Variants in MACROH2A2 observed in about 807,000 individuals in gnomAD.
MACROH2A2 encodes the protein core histone macro-H2A.2.
In MACROH2A2, 6 loss-of-function variants were observed where a neutral mutation model predicts 37.6. The observed-to-expected ratio is 0.16, with a 90% CI of 0.09 to 0.32. The LOEUF is 0.32. MACROH2A2 is among the 10% of genes least tolerant of loss of function. MACROH2A2 has a pLI of 1.00. For missense variants in MACROH2A2, 290 were observed against 485.9 expected, an observed-to-expected ratio of 0.60 and a Z score of 3.79; for synonymous variants, 192 against 202.7, an observed-to-expected ratio of 0.95 and a Z score of 0.45.
rs996291409 is a variant in MACROH2A2 at position 70,108,224 on chromosome 10, TAAAAA to T, written c.779-806_779-802del. On this transcript the variant is annotated intron_variant, in intron 7 of 8. Transcript: ENST00000373255. Reference sequence around the variant, plus strand: ...CTCTGTCTCAAAAAAAAACTAAAAATAAAAAAATAAAAATAAAAGCCACTGTATTC... The same window carrying T: ...CTCTGTCTCAAAAAAAAACTAAAAATAATAAAAATAAAAGCCACTGTATTC... Among the ~76,000 whole-genome samples, 9 of 151,606 alleles carry T rather than the reference TAAAAA, an allele frequency of 5.9e-5. No individual in the cohort carries two copies. The South Asian group carries it at 8.4e-4, about 14-fold the overall frequency.
chr10:70,054,204 G>A (rs1285095634), intron 1 of MACROH2A2, among the ~76,000 whole-genome samples: 1 of 152,244 alleles, frequency 6.6e-6, no homozygotes, highest in African/African-American at 2.4e-5. Context: ...CCTTGCCAGG[G>A]TTTTTTGGCA....
In MACROH2A2 at chr10:70,065,033, TC is replaced by T. The variant is rs748845243; in HGVS notation, c.-59-10566del. On this transcript the variant is annotated intron_variant, in intron 1 of 8. Coordinates refer to ENST00000373255, the MANE Select transcript of MACROH2A2 (RefSeq NM_018649.3). ...TCTTGTCCTTCATTCTTTTTTTTTT[TC>T]TTTTTTTTTTTTGAGACAGAGTCTC... Among the ~76,000 whole-genome samples, 20 of 150,552 alleles carry T rather than the reference TC, an allele frequency of 1.3e-4. No individual in the cohort carries two copies. The South Asian group carries it at 3.3e-3, about 25-fold the overall frequency.
intron 8 of MACROH2A2, among the ~76,000 whole-genome samples, chr10:70,109,893 T>C (rs2072360143): frequency 6.6e-6 from 1 of 152,222 alleles, no homozygotes; most frequent in African/African-American, 2.4e-5. Flanking sequence ...AAACATATCC[T>C]TTCCCTTCAT....
At chr10:70,069,140 C>T (rs1429123697) in intron 1 of MACROH2A2, among the ~76,000 whole-genome samples, 1 of 152,076 alleles carries the variant, frequency 6.6e-6, no homozygotes, top group African/African-American at 2.4e-5. Context: ...TCATATTTAC[C>T]CGGTGTTATA....
At chr10:70,105,058 C>G (rs761037208) in intron 7 of MACROH2A2, among the ~76,000 whole-genome samples, 7 of 152,200 alleles carry the variant, frequency 4.6e-5, no homozygotes, top group Non-Finnish European at 1.0e-4. Flanking sequence ...GAGGCAGAAG[C>G]TGGAGCTAAG....
intron 2 of MACROH2A2, among the ~76,000 whole-genome samples, chr10:70,077,595 G>A (rs113002843): frequency 2.1e-4 from 32 of 149,046 alleles, no homozygotes; most frequent in Non-Finnish European, 3.7e-4. Context: ...AATAAAGGCC[G>A]GGCACAGTGG....
At chr10:70,067,702 G>C (rs2136620083) in intron 1 of MACROH2A2, among the ~76,000 whole-genome samples, 1 of 152,260 alleles carries the variant, frequency 6.6e-6, no homozygotes, top group Non-Finnish European at 1.5e-5. Context: ...AGGTGATGTA[G>C]GGAGGAGAGG....
intron 7 of MACROH2A2, among the ~76,000 whole-genome samples, chr10:70,101,723 G>A (rs1315924575): frequency 6.6e-6 from 1 of 152,020 alleles, no homozygotes; most frequent in Non-Finnish European, 1.5e-5. Context: ...GCCTATTCTG[G>A]ACATTTCATA....
chr10:70,064,853 TAATAC>T (rs1288085358), intron 1 of MACROH2A2, among the ~76,000 whole-genome samples: 1 of 151,498 alleles, frequency 6.6e-6, no homozygotes, highest in Non-Finnish European at 1.5e-5. Context: ...GAAAATGAAC[TAATAC>T]AACTAGTTCC....
chr10:70,099,392 A>G (rs1375455406), intron 6 of MACROH2A2: 1 of 152,168 alleles, frequency 6.6e-6, no homozygotes, highest in Non-Finnish European at 1.5e-5. Context: ...ATGATTCATA[A>G]AGAGATTGCT....
intron 7 of MACROH2A2, among the ~76,000 whole-genome samples, chr10:70,105,563 A>G (rs2072332601): frequency 6.6e-6 from 1 of 152,218 alleles, no homozygotes; most frequent in Middle Eastern, 3.2e-3. Context: ...GGGGCCGACC[A>G]TGAAGGGAGC....
rs999950814 is a variant in MACROH2A2, at chr10:70,103,231, G to T, written c.778+2934G>T. On this transcript the variant is annotated intron_variant, in intron 7 of 8. Coordinates refer to ENST00000373255, the MANE Select transcript of MACROH2A2 (RefSeq NM_018649.3). The stretch of plus-strand genomic sequence containing the variant: ...ATCCCCGATATAACCATGAGACCAA[G>T]CCCCAACTCAGTCATCTAAGACGGC... 2.0e-5 allele frequency among the ~76,000 whole-genome samples: 3 copies of T among 152,260 alleles called. No individual in the cohort carries two copies. The South Asian group carries it at 6.2e-4, about 32-fold the overall frequency.
At chr10:70,084,030 T>C (rs2072196449) in intron 2 of MACROH2A2, among the ~76,000 whole-genome samples, 1 of 152,118 alleles carries the variant, frequency 6.6e-6, no homozygotes, top group Non-Finnish European at 1.5e-5. Context: ...GAAAATGTTC[T>C]GTCATATAAT....
At chr10:70,111,223 C>T (rs912579474) in intron 8 of MACROH2A2, among the ~76,000 whole-genome samples, 1 of 152,116 alleles carries the variant, frequency 6.6e-6, no homozygotes, top group Non-Finnish European at 1.5e-5. Context: ...GAGCTGAGAT[C>T]GCGCCACTGC....
intron 1 of MACROH2A2, among the ~76,000 whole-genome samples, chr10:70,060,117 C>T (rs1179721948): frequency 1.3e-5 from 2 of 152,128 alleles, no homozygotes; most frequent in East Asian, 3.9e-4. Flanking sequence ...CGACTATAAT[C>T]CCAGCAGTTT....
At chr10:70,110,890 A>G (rs912610724) in intron 8 of MACROH2A2, among the ~76,000 whole-genome samples, 11 of 151,200 alleles carry the variant, frequency 7.3e-5, no homozygotes, top group African/African-American at 2.7e-4. Flanking sequence ...TTTGCCTCTG[A>G]AAAAAAAACT....
Position 70,110,705 on chromosome 10 carries a change from C to G in MACROH2A2, c.954-813C>G, listed in dbSNP as rs561234333. Among the ~76,000 whole-genome samples, 42 of 150,726 alleles carry G rather than the reference C, an allele frequency of 2.8e-4. 1 individual carries two copies. The highest frequency in any genetic ancestry group is 2.4e-3 in the Admixed American group (37 of 15,162). On this transcript the variant is annotated intron_variant, in intron 8 of 8. Transcript: ENST00000373255. Reference sequence around the variant, plus strand: ...TTCGAGACCAGCCTGGGCAACATAACAAGACCCATCTCTACAAAAAATTTA... The same window carrying G: ...TTCGAGACCAGCCTGGGCAACATAAGAAGACCCATCTCTACAAAAAATTTA...
At chr10:70,065,147 A>G (rs1269183264) in intron 1 of MACROH2A2, among the ~76,000 whole-genome samples, 2 of 151,864 alleles carry the variant, frequency 1.3e-5, no homozygotes, top group Non-Finnish European at 2.9e-5. Context: ...CCCAGGTTCA[A>G]GTGATTCTCC....
At chr10:70,058,066 T>C (rs1489323424) in intron 1 of MACROH2A2, among the ~76,000 whole-genome samples, 1 of 152,224 alleles carries the variant, frequency 6.6e-6, no homozygotes, top group Non-Finnish European at 1.5e-5. Flanking sequence ...AATGTTTGTG[T>C]AGGCAAATTT....
Sources: gnomAD v4.1 joint callset for allele counts (sites outside exome capture counted in the v4.1 genomes callset) on GRCh38, gnomAD v4.1.1 for gene constraint, MANE v1.5 for transcripts, NCBI Gene and HGNC (gene_info 2026-07-23, HGNC 2026-07-21) for gene names.